ANKRD44: variants seen among roughly 807,000 people sequenced by gnomAD.
ANKRD44 encodes the protein serine/threonine-protein phosphatase 6 regulatory ankyrin repeat subunit B.
In ANKRD44, 35 loss-of-function variants were observed where a neutral mutation model predicts 116.0. The ratio of observed to expected loss-of-function variants is 0.30; its 90% CI spans 0.23 to 0.40. The LOEUF is 0.40. ANKRD44 is among the 10% of genes least tolerant of loss of function. ANKRD44 has a pLI of 1.00. For synonymous variants in ANKRD44, 435 were observed against 461.8 expected, an observed-to-expected ratio of 0.94 and a Z score of 0.74; for missense variants, 1,014 against 1,242.6, an observed-to-expected ratio of 0.82 and a Z score of 2.77.
At chr2:197,056,030 A>G (rs1390201689) in intron 16 of ANKRD44, among the ~76,000 whole-genome samples, 1 of 152,112 alleles carries the variant, frequency 6.6e-6, no homozygotes, top group East Asian at 1.9e-4. Context: ...GTAGGACTAC[A>G]GATGTGCCAC....
rs374313668 is a variant in ANKRD44 at position 197,305,967 on chromosome 2, T to TTATATATATATA, written c.27+4599_27+4610dup. On this transcript the variant is annotated intron_variant, in intron 1 of 27. Transcript: ENST00000282272. ...TTTCCTATAATGACCGCAGTTCGTT[T>TTATATATATATA]TATATATATATATATATATATATAT... Among the ~76,000 whole-genome samples the TTATATATATATA allele has an allele frequency of 9.7e-3, 1,210 of 124,674 alleles. 48 individuals are homozygous for TTATATATATATA. The highest frequency in any genetic ancestry group is 0.028 in the Admixed American group (365 of 13,006). 81.8% of individuals were successfully genotyped at this position (124,674 alleles called of 152,430 possible).
intron 2 of ANKRD44, among the ~76,000 whole-genome samples, chr2:197,181,280 G>GA (rs1456406040): frequency 3.3e-5 from 5 of 152,074 alleles, no homozygotes; most frequent in Non-Finnish European, 7.4e-5. Context: ...CAATTCAACT[G>GA]AAAAAAGGAT....
chr2:197,230,288 T>G (rs189792078), intron 1 of ANKRD44, among the ~76,000 whole-genome samples: 1 of 152,270 alleles, frequency 6.6e-6, no homozygotes, highest in East Asian at 1.9e-4. Context: ...TGTCACCATT[T>G]GAACTGTGTG....
chr2:197,290,720 G>T (rs1268819137), intron 1 of ANKRD44, among the ~76,000 whole-genome samples: 3 of 152,132 alleles, frequency 2.0e-5, no homozygotes, highest in Non-Finnish European at 4.4e-5. Flanking sequence ...ACTCAATCCA[G>T]AAATTTATTT....
intron 7 of ANKRD44, among the ~76,000 whole-genome samples, chr2:197,122,354 G>A (rs1366636913): frequency 6.6e-6 from 1 of 152,126 alleles, no homozygotes; most frequent in Non-Finnish European, 1.5e-5. Flanking sequence ...TTTGGAAGGT[G>A]GGATGCAGAA....
At chr2:197,209,301 T>C (rs1000279003) in intron 1 of ANKRD44, among the ~76,000 whole-genome samples, 5 of 152,206 alleles carry the variant, frequency 3.3e-5, no homozygotes, top group African/African-American at 1.2e-4. Context: ...AAGTTTTAGT[T>C]GGCATCCTGC....
chr2:197,157,341 A>G lies in ANKRD44; in HGVS notation c.112-10236T>C, dbSNP rs960779325. Among the ~76,000 whole-genome samples, 6 of 152,276 alleles carry G rather than the reference A, an allele frequency of 3.9e-5. No homozygotes were observed. In the Middle Eastern group the frequency reaches 0.014, roughly 345 times the overall value. On this transcript the variant is annotated intron_variant, in intron 2 of 27. Transcript: ENST00000282272. ...TGGATGTAAAAGTGAAGTTCTTACA[A>G]AAGAATGGCCTGTTGGCTTAAAATC...
chr2:196,973,806 T>C (rs2075736469), intron 21 of ANKRD44, among the ~76,000 whole-genome samples: 2 of 152,252 alleles, frequency 1.3e-5, no homozygotes, highest in Non-Finnish European at 2.9e-5. Flanking sequence ...CATGATTTCC[T>C]ATTGCATTCT....
intron 2 of ANKRD44, among the ~76,000 whole-genome samples, chr2:197,177,930 G>T (rs2080406354): frequency 6.6e-6 from 1 of 152,122 alleles, no homozygotes; most frequent in Admixed American, 6.5e-5. Context: ...TGGATGTTCT[G>T]CAATAAATTT....
At chr2:197,301,619 G>C (rs1202803319) in intron 1 of ANKRD44, among the ~76,000 whole-genome samples, 1 of 152,180 alleles carries the variant, frequency 6.6e-6, no homozygotes, top group African/African-American at 2.4e-5. Context: ...TAAAATGAAA[G>C]CTGTTTATAG....
Position 197,044,425 on chromosome 2 carries a change from G to A in ANKRD44, c.1651-19158C>T, listed in dbSNP as rs566068881. Among the ~76,000 whole-genome samples the A allele has an allele frequency of 1.2e-4, 18 of 152,196 alleles. No individual in the cohort carries two copies. The South Asian group carries it at 2.3e-3, about 19-fold the overall frequency. ...TCTGTTGCCCAGGCTGGAGTACAGC[G>A]GCGCGATCTCGGCTCACTGCAACCT... On this transcript the variant is annotated intron_variant, in intron 16 of 27. Coordinates refer to ENST00000282272, the MANE Select transcript of ANKRD44 (RefSeq NM_001195144.2).
chr2:197,004,026 G>C (rs114947076), intron 21 of ANKRD44, among the ~76,000 whole-genome samples: 2,520 of 151,774 alleles, frequency 0.017, 66 homozygotes, highest in African/African-American at 0.058. Flanking sequence ...AACTATTAAT[G>C]GTTTCTAAAT....
At chr2:197,059,074 T>C (rs952077391) in intron 16 of ANKRD44, among the ~76,000 whole-genome samples, 2 of 152,160 alleles carry the variant, frequency 1.3e-5, no homozygotes, top group African/African-American at 4.8e-5. Context: ...TATATTATCA[T>C]GGTGGTAATT....
At chr2:197,082,383 T>A (rs1363322770) in intron 14 of ANKRD44, among the ~76,000 whole-genome samples, 1 of 152,220 alleles carries the variant, frequency 6.6e-6, no homozygotes, top group Non-Finnish European at 1.5e-5. Flanking sequence ...CAAGCAGTAT[T>A]TTTCAAACTA....
chr2:197,051,068 T>C (rs1300548386), intron 16 of ANKRD44, among the ~76,000 whole-genome samples: 2 of 151,094 alleles, frequency 1.3e-5, no homozygotes, highest in African/African-American at 4.9e-5. Flanking sequence ...GCTCAAGTGA[T>C]CCTCCCACCT....
chr2:197,254,113 C>G (rs781213624), intron 1 of ANKRD44, among the ~76,000 whole-genome samples: 1 of 152,178 alleles, frequency 6.6e-6, no homozygotes, highest in African/African-American at 2.4e-5. Flanking sequence ...AACTCCAAGA[C>G]GAGGCACGGT....
At chr2:196,998,606 G>C (rs1409221427) in intron 24 of ANKRD44, among the ~76,000 whole-genome samples, 187 bp from the exon 25 acceptor site, 3 of 151,978 alleles carry the variant, frequency 2.0e-5, no homozygotes, top group Non-Finnish European at 4.4e-5. Flanking sequence ...AGGTTAATAG[G>C]CACTAATTTT....
intron 2 of ANKRD44, among the ~76,000 whole-genome samples, chr2:197,184,832 C>T (rs759698619): frequency 1.3e-4 from 20 of 152,046 alleles, no homozygotes; most frequent in Non-Finnish European, 2.5e-4. Context: ...ATCATACATC[C>T]ATCATACATT....
At chr2:197,205,338 G>C (rs2081182101) in intron 1 of ANKRD44, among the ~76,000 whole-genome samples, 1 of 152,186 alleles carries the variant, frequency 6.6e-6, no homozygotes, top group Admixed American at 6.5e-5. Flanking sequence ...CAGTAAGGAA[G>C]GGAAGGAGGG....
Sources: allele counts gnomAD v4.1 joint callset (sites outside exome capture counted in the v4.1 genomes callset), GRCh38; gene constraint gnomAD v4.1.1; transcripts MANE v1.5; gene names NCBI Gene and HGNC (gene_info 2026-07-23, HGNC 2026-07-21).